NRXN1: variants seen among roughly 807,000 people sequenced by gnomAD.
The protein encoded by NRXN1 is neurexin-1.
NRXN1 carries 39 observed loss-of-function variants against 150.9 expected under a neutral mutation model. The observed-to-expected ratio is 0.26, with a 90% confidence interval of 0.20 to 0.34. NRXN1 has a LOEUF of 0.34. NRXN1 is among the 10% of genes least tolerant of loss of function. NRXN1 has a pLI of 1.00. For missense variants in NRXN1, 1,815 were observed against 1,949.9 expected, an observed-to-expected ratio of 0.93 and a Z score of 1.30; for synonymous variants, 924 against 757.0, an observed-to-expected ratio of 1.22 and a Z score of -3.62.
At chr2:50,104,069 T>C (rs1293973911) in intron 18 of NRXN1, among the ~76,000 whole-genome samples, 1 of 152,012 alleles carries the variant, frequency 6.6e-6, no homozygotes, top group Non-Finnish European at 1.5e-5. Context: ...TAAGGATAGA[T>C]TTGGGCATTG....
intron 8 of NRXN1, among the ~76,000 whole-genome samples, chr2:50,592,915 T>C (rs1674523762): frequency 6.6e-6 from 1 of 152,200 alleles, no homozygotes; most frequent in South Asian, 2.1e-4. Flanking sequence ...GATGGGGAAG[T>C]GGAGCAGTTT....
chr2:50,255,044 G>A (rs2067560671), intron 17 of NRXN1, among the ~76,000 whole-genome samples: 1 of 152,012 alleles, frequency 6.6e-6, no homozygotes, highest in African/African-American at 2.4e-5. Flanking sequence ...CTGGGCTCAA[G>A]CGATCCACCC....
At chr2:50,377,944 A>T (rs184619926) in intron 17 of NRXN1, among the ~76,000 whole-genome samples, 20 of 152,300 alleles carry the variant, frequency 1.3e-4, no homozygotes, top group Admixed American at 1.3e-3. Flanking sequence ...AGCCAGCAGT[A>T]ATCAGGACTT....
At chr2:50,165,464 TCAGC>T (rs2152793533) in intron 18 of NRXN1, among the ~76,000 whole-genome samples, 1 of 152,356 alleles carries the variant, frequency 6.6e-6, no homozygotes, top group South Asian at 2.1e-4. Context: ...TTCTCTTGCC[TCAGC>T]CTCCCGACTA....
rs70958636 is a variant in NRXN1 at position 50,984,134 on chromosome 2, A to ATTTTT, written c.772+43363_772+43367dup. ...AGGTGCTCACTGCCACGCCAGGCTA[A>ATTTTT]TTTTTTTTTTTTTTTTTTTTTTTTT... On this transcript the variant is annotated intron_variant, in intron 2 of 22. Coordinates refer to ENST00000401669, the MANE Select transcript of NRXN1 (RefSeq NM_001330078.2). Among the ~76,000 whole-genome samples the ATTTTT allele has an allele frequency of 1.1e-3, 83 of 72,812 alleles. 5 individuals carry two copies. Among genetic ancestry groups the ATTTTT allele is most frequent in the Non-Finnish European group, 1.6e-3 (67 of 41,364 alleles). The allele number at this position is 72,812 out of a possible 152,430, so 47.8% of individuals were successfully genotyped here.
intron 15 of NRXN1, among the ~76,000 whole-genome samples, chr2:50,475,285 A>G (rs1166149624): frequency 1.3e-5 from 2 of 152,070 alleles, no homozygotes; most frequent in East Asian, 3.9e-4. Context: ...TAACCTCCTG[A>G]AGGAGAGAGA....
chr2:50,331,117 A>G (rs1020894556), intron 17 of NRXN1, among the ~76,000 whole-genome samples: 2 of 152,186 alleles, frequency 1.3e-5, no homozygotes, highest in African/African-American at 4.8e-5. Context: ...TTTAATGTTG[A>G]AAAACCACAA....
intron 17 of NRXN1, among the ~76,000 whole-genome samples, chr2:50,429,855 G>C (rs577278083): frequency 6.6e-6 from 1 of 152,212 alleles, no homozygotes; most frequent in African/African-American, 2.4e-5. Flanking sequence ...ATCAGATGAA[G>C]GGCTATAGAA....
chr2:50,330,795 G>T (rs1021282059), intron 17 of NRXN1, among the ~76,000 whole-genome samples: 3 of 152,172 alleles, frequency 2.0e-5, no homozygotes, highest in African/African-American at 7.2e-5. Context: ...GTTATCACTT[G>T]GATATGGTTA....
At chr2:50,730,301 G>C (rs1349277336) in intron 5 of NRXN1, among the ~76,000 whole-genome samples, 2 of 152,092 alleles carry the variant, frequency 1.3e-5, no homozygotes, top group Non-Finnish European at 2.9e-5. Flanking sequence ...GACTGGCACT[G>C]TGAAATGACA....
intron 5 of NRXN1, among the ~76,000 whole-genome samples, chr2:50,669,750 CA>C (rs1297906844): frequency 6.6e-6 from 1 of 150,484 alleles, no homozygotes. Flanking sequence ...AGATCTGAGA[CA>C]AAAATTGTGA....
At chr2:50,256,520 T>C (rs1444533169) in intron 17 of NRXN1, among the ~76,000 whole-genome samples, 1 of 152,182 alleles carries the variant, frequency 6.6e-6, no homozygotes, top group African/African-American at 2.4e-5. Context: ...ACCTATTGCA[T>C]TGTCTTGAGT....
intron 15 of NRXN1, among the ~76,000 whole-genome samples, chr2:50,473,972 C>G (rs1372518555): frequency 6.6e-6 from 1 of 151,894 alleles, no homozygotes; most frequent in African/African-American, 2.4e-5. Context: ...AACTTAGGTC[C>G]TTGACCTAAC....
At chr2:50,955,083 A>C (rs560797822) in intron 2 of NRXN1, among the ~76,000 whole-genome samples, 8 of 152,134 alleles carry the variant, frequency 5.3e-5, no homozygotes, top group African/African-American at 1.9e-4. Context: ...CTCTCTCTCT[A>C]TCTCTCACAC....
intron 5 of NRXN1, among the ~76,000 whole-genome samples, chr2:50,884,984 G>A (rs894404080): frequency 1.1e-4 from 16 of 151,574 alleles, no homozygotes; most frequent in Non-Finnish European, 2.1e-4. Context: ...AAGAAAGATT[G>A]TGAAAATAAT....
intron 8 of NRXN1, among the ~76,000 whole-genome samples, chr2:50,590,482 G>A (rs1368879494): frequency 1.3e-5 from 2 of 152,104 alleles, no homozygotes; most frequent in African/African-American, 2.4e-5. Context: ...CAATGAGAGT[G>A]TGGGAGAATG....
intron 5 of NRXN1, among the ~76,000 whole-genome samples, chr2:50,915,765 C>T (rs1026394070): frequency 6.6e-6 from 1 of 151,112 alleles, no homozygotes; most frequent in East Asian, 2.0e-4. Flanking sequence ...TCCAAATGCA[C>T]ACGGTATCTT....
chr2:49,938,660 G>A (rs765047870), intron 22 of NRXN1, among the ~76,000 whole-genome samples: 1 of 152,124 alleles, frequency 6.6e-6, no homozygotes, highest in Admixed American at 6.5e-5. Context: ...GAGAATTGAC[G>A]TATTATTCTT....
chr2:50,517,377 T>C (rs1427568957), intron 12 of NRXN1, among the ~76,000 whole-genome samples: 3 of 150,392 alleles, frequency 2.0e-5, no homozygotes, highest in Admixed American at 1.3e-4. Context: ...CACTAAGTAT[T>C]TGTTGAATGG....
Sources: allele counts gnomAD v4.1 joint callset (sites outside exome capture counted in the v4.1 genomes callset), GRCh38; gene constraint gnomAD v4.1.1; transcripts MANE v1.5; gene names NCBI Gene and HGNC (gene_info 2026-07-23, HGNC 2026-07-21).